TRAPPC13: variants seen among roughly 807,000 people sequenced by gnomAD.
TRAPPC13 encodes the protein REV7-interacting novel NHEJ regulator 1.
In TRAPPC13, 39 loss-of-function variants were observed where a neutral mutation model predicts 54.0. The observed-to-expected ratio is 0.72, with a 90% CI of 0.56 to 0.94. The LOEUF (loss-of-function observed/expected upper bound fraction) is 0.94, where lower values mean the gene tolerates loss of function less well. TRAPPC13 is among the 40% of genes least tolerant of loss of function. The pLI, the probability that TRAPPC13 is intolerant of heterozygous loss-of-function variation, is 0.00. For synonymous variants in TRAPPC13, 148 were observed against 167.7 expected, an observed-to-expected ratio of 0.88 and a Z score of 0.91; for missense variants, 386 against 488.1, an observed-to-expected ratio of 0.79 and a Z score of 1.97.
Position 65,664,388 on chromosome 5 carries a change from T to C in TRAPPC13, c.1146+4T>C. On this transcript the variant is annotated splice_donor_region_variant and intron_variant, in intron 12 of 12. Coordinates refer to ENST00000399438, the MANE Select transcript of TRAPPC13 (RefSeq NM_024941.4). ...TTCTTCAGTACAGGGACTGCAAGTA[T>C]GCTGTCTTTTCAAAAATTCCAATAT... 1 of 1,607,792 alleles carries C rather than the reference T, an allele frequency of 6.2e-7. No individual in the cohort carries two copies. Among genetic ancestry groups the C allele is most frequent in the Non-Finnish European group, 8.5e-7 (1 of 1,177,280 alleles).
At chr5:65,638,502 A>T (rs1755847924) in intron 4 of TRAPPC13, among the ~76,000 whole-genome samples, 1 of 152,208 alleles carries the variant, frequency 6.6e-6, no homozygotes, top group Non-Finnish European at 1.5e-5. Flanking sequence ...AATCAGAGGC[A>T]GAGACATAGT....
chr5:65,630,471 A>G (rs1420371309), intron 1 of TRAPPC13: 2 of 1,388,342 alleles, frequency 1.4e-6, no homozygotes, highest in East Asian at 5.2e-5. Context: ...AATTAAGTCA[A>G]GAAATTGCTG....
At chr5:65,626,999 G>A (rs949871456) in intron 1 of TRAPPC13, among the ~76,000 whole-genome samples, 2 of 151,634 alleles carry the variant, frequency 1.3e-5, no homozygotes, top group African/African-American at 4.8e-5. Context: ...AATTAGCCAG[G>A]TGTGGTGGTG....
chr5:65,659,967 CAAAAAA>C lies in TRAPPC13; in HGVS notation c.699-714_699-709del, dbSNP rs141876171. Among the ~76,000 whole-genome samples, 50 of 95,234 alleles carry C rather than the reference CAAAAAA, an allele frequency of 5.3e-4. 1 individual carries two copies. The highest frequency in any genetic ancestry group is 7.9e-3 in the Middle Eastern group (1 of 126). 62.5% of individuals were successfully genotyped at this position (95,234 alleles called of 152,430 possible). On this transcript the variant is annotated intron_variant, in intron 9 of 12. Transcript: ENST00000399438. The stretch of plus-strand genomic sequence containing the variant: ...ACAGAGAGAGACCTTGTATTTTAAA[CAAAAAA>C]AAAAAAAAAAAAAAAAAGAAGAAGA...
At chr5:65,650,917 T>A (rs763594747) in intron 6 of TRAPPC13, 35 bp downstream of exon 6, 1 of 1,453,708 alleles carries the variant, frequency 6.9e-7, no homozygotes, top group South Asian at 1.2e-5. Context: ...AGTTTTTATA[T>A]GCCTTTTTCT....
intron 4 of TRAPPC13, among the ~76,000 whole-genome samples, chr5:65,640,876 G>A (rs911942206): frequency 6.6e-6 from 1 of 151,480 alleles, no homozygotes; most frequent in Non-Finnish European, 1.5e-5. Context: ...ACTCACTAGG[G>A]GTCTTAGGCT....
intron 7 of TRAPPC13, among the ~76,000 whole-genome samples, chr5:65,653,165 AGGATTTATTGCTTG>A (rs1272336766): frequency 7.4e-6 from 1 of 135,676 alleles, no homozygotes; most frequent in African/African-American, 2.6e-5. Flanking sequence ...CATAGGAGAA[AGGATTTATTGCTTG>A]GATTTCTTTT....
At position 65,658,442 on chromosome 5, in the gene TRAPPC13, G is replaced by C. The variant is rs1171110185; in HGVS notation, c.639G>C (p.Leu213=). 1 of 1,592,276 alleles carries C rather than the reference G, an allele frequency of 6.3e-7. No individual in the cohort carries two copies. Among genetic ancestry groups the C allele is most frequent in the Middle Eastern group, 1.7e-4 (1 of 6,038 alleles). The change falls in exon 9 of 13, where the codon CTG becomes CTC. Residue 213 remains leucine (L), a synonymous_variant. Coordinates refer to ENST00000399438, the MANE Select transcript of TRAPPC13 (RefSeq NM_024941.4). ...TSPMFMEKVS[L]EPSIMYNVTE... ...CTATGTTTATGGAGAAGGTTTCACT[G>C]GAGCCATCTATTATGTACAATGTAA...
intron 10 of TRAPPC13, 62 bp downstream of exon 10, chr5:65,660,959 T>G (rs988995454): frequency 7.1e-7 from 1 of 1,401,908 alleles, no homozygotes; most frequent in African/African-American, 1.5e-5. Context: ...TTAGAACAAC[T>G]TAATTTTTTC....
At chr5:65,654,029 G>A (rs560591303) in intron 7 of TRAPPC13, among the ~76,000 whole-genome samples, 6 of 152,192 alleles carry the variant, frequency 3.9e-5, no homozygotes, top group Admixed American at 3.9e-4. Context: ...CAATAGGTGG[G>A]TTATTTTCTG....
chr5:65,631,373 CT>C, intron 1 of TRAPPC13, among the ~76,000 whole-genome samples: 1 of 151,658 alleles, frequency 6.6e-6, no homozygotes, highest in Non-Finnish European at 1.5e-5. Flanking sequence ...ATTTTTTTTT[CT>C]TTCTAACTTT....
At chr5:65,629,437 T>C (rs756022944) in intron 1 of TRAPPC13, 34 of 1,366,228 alleles carry the variant, frequency 2.5e-5, no homozygotes, top group Non-Finnish European at 3.1e-5. Context: ...ATCCCTACCA[T>C]ATCTTATTCT....
At chr5:65,638,317 T>C (rs955409513) in intron 4 of TRAPPC13, among the ~76,000 whole-genome samples, 8 of 152,126 alleles carry the variant, frequency 5.3e-5, no homozygotes, top group Non-Finnish European at 1.2e-4. Flanking sequence ...GGTGAGAAAA[T>C]GTACTAGTCA....
rs1756877211 is a variant in TRAPPC13 at position 65,662,363 on chromosome 5, TTTCA to T, written c.998+220_998+223del. 1.3e-5 allele frequency: 5 copies of T among 382,446 alleles called. No homozygotes were observed. In the South Asian group the frequency reaches 2.7e-4, roughly 21 times the overall value. The allele number at this position is 382,446 out of a possible 1,614,324, so 23.7% of individuals were successfully genotyped here. ...TGTATTATGCATCTTCTGTATTTTA[TTTCA>T]TTCATTTGTCACACCCTATGAGGTA... On this transcript the variant is annotated intron_variant, in intron 11 of 12. Transcript: ENST00000399438.
rs11354403 is a variant in TRAPPC13 at position 65,652,339 on chromosome 5, CTTTT to C, written c.502-148_502-145del. 4.9e-3 allele frequency among the ~76,000 whole-genome samples: 566 copies of C among 116,216 alleles called. 1 individual carries two copies. Among genetic ancestry groups the C allele is most frequent in the Middle Eastern group, 0.01 (2 of 198 alleles). The allele number at this position is 116,216 out of a possible 152,430, so 76.2% of individuals were successfully genotyped here. A position where few individuals can be genotyped will look rare whatever the true frequency, so the allele number is the denominator to read the frequency against. ...TACATTAGGGATTCTTTTTTCTTTT[CTTTT>C]TTTTTTTTTTTTTGGAAGAATATTG... On this transcript the variant is annotated intron_variant, in intron 6 of 12. Coordinates refer to ENST00000399438, the MANE Select transcript of TRAPPC13 (RefSeq NM_024941.4).
intron 6 of TRAPPC13, among the ~76,000 whole-genome samples, chr5:65,652,069 G>C (rs978022084): frequency 3.3e-5 from 5 of 151,714 alleles, no homozygotes; most frequent in Non-Finnish European, 5.9e-5. Flanking sequence ...TTGCCATGTT[G>C]GCCAGGCTTG....
intron 11 of TRAPPC13, 182 bp downstream of exon 11, chr5:65,662,332 G>T: frequency 2.1e-6 from 1 of 471,482 alleles, no homozygotes; most frequent in Non-Finnish European, 3.7e-6. Context: ...ATTTTTAAGG[G>T]CCTATTGTAT....
At chr5:65,629,797 G>C in intron 1 of TRAPPC13, 1 of 1,536,094 alleles carries the variant, frequency 6.5e-7, no homozygotes, top group Non-Finnish European at 8.7e-7. Flanking sequence ...ATGTGAAACA[G>C]TACTTAACCA....
At chr5:65,651,654 G>GA (rs33974942) in intron 6 of TRAPPC13, among the ~76,000 whole-genome samples, 1 of 147,440 alleles carries the variant, frequency 6.8e-6, no homozygotes, top group African/African-American at 2.5e-5. Flanking sequence ...TGTGGGGGGG[G>GA]TGGTGAGGAA....
Sources: allele counts gnomAD v4.1 joint callset (sites outside exome capture counted in the v4.1 genomes callset), GRCh38; gene constraint gnomAD v4.1.1; transcripts MANE v1.5; gene names NCBI Gene and HGNC (gene_info 2026-07-23, HGNC 2026-07-21).